The following ACSL1 variants were observed in gnomAD, a reference collection of about 807,000 sequenced individuals.
ACSL1 encodes acyl-CoA synthetase long chain family member 1, also known as long-chain-fatty-acid--CoA ligase 1.
ACSL1 carries 41 observed loss-of-function variants against 98.4 expected under a neutral mutation model. The observed-to-expected ratio is 0.42, with a 90% CI of 0.32 to 0.54. The LOEUF (loss-of-function observed/expected upper bound fraction) is 0.54. Ranked by LOEUF, ACSL1 falls within the 20% of genes least tolerant of loss-of-function variation. The probability of loss-of-function intolerance (pLI) is 0.13; values close to 1 mark genes in which losing one functional copy is unlikely to be tolerated. For synonymous variants in ACSL1, 316 were observed against 322.7 expected (o/e 0.98, Z 0.22); for missense variants, 734 against 883.1 (o/e 0.83, Z 2.14).
At chr4:184,794,628 T>C (rs1769020805) in intron 2 of ACSL1, among the ~76,000 whole-genome samples, 1 of 152,212 alleles carries the variant, frequency 6.6e-6, no homozygotes, top group Non-Finnish European at 1.5e-5. Context: ...GGGGGGCTGC[T>C]TCCCTTCTCA....
intron 1 of ACSL1, among the ~76,000 whole-genome samples, chr4:184,823,128 T>C (rs549011271): frequency 1.5e-4 from 23 of 152,226 alleles, no homozygotes; most frequent in Non-Finnish European, 2.2e-4. Context: ...TTGACCATCA[T>C]GTGTTTGTCT....
At chr4:184,779,158 A>G (rs1372405208) in intron 5 of ACSL1, among the ~76,000 whole-genome samples, 1 of 152,170 alleles carries the variant, frequency 6.6e-6, no homozygotes, top group African/African-American at 2.4e-5. Context: ...GTCCCCACCC[A>G]AATCTCAACT....
At chr4:184,812,026 G>A (rs1323183700) in intron 1 of ACSL1, 4 of 294,226 alleles carry the variant, frequency 1.4e-5, no homozygotes, top group Non-Finnish European at 2.0e-5. Flanking sequence ...GTGGGAGGAG[G>A]CGGCGGTTCC....
At position 184,783,947 on chromosome 4, in the gene ACSL1, C is replaced by T. The variant is rs761882845; in HGVS notation, c.355G>A (p.Glu119Lys). ...LGSRKPDQPY[E>K]WLSYKQVAEL... Reference sequence around the variant, plus strand: ...CTCACCTGTTTATATGAAAGCCATTCATAGGGTTGGTCTGGTTTCCGAGAG... The same window carrying T: ...CTCACCTGTTTATATGAAAGCCATTTATAGGGTTGGTCTGGTTTCCGAGAG... The change falls in exon 4 of 21, where the codon GAA becomes AAA. Residue 119 changes from glutamate (E) to lysine (K), a missense_variant. By Grantham distance (56) the Glu-to-Lys change is moderately conservative (BLOSUM62 1). Transcript: ENST00000281455. 6 of 1,613,686 alleles carry T rather than the reference C, an allele frequency of 3.7e-6. No individual in the cohort carries two copies. The East Asian group carries it at 8.9e-5, about 24-fold the overall frequency.
At chr4:184,787,771 G>A (rs935161486) in intron 3 of ACSL1, among the ~76,000 whole-genome samples, 1 of 152,114 alleles carries the variant, frequency 6.6e-6, no homozygotes, top group African/African-American at 2.4e-5. Flanking sequence ...GGCTGAGGCA[G>A]GAGAATCACT....
chr4:184,807,038 A>G (rs979439107), intron 1 of ACSL1, among the ~76,000 whole-genome samples: 5 of 152,234 alleles, frequency 3.3e-5, no homozygotes. Context: ...AGGAAAAGGC[A>G]CTTGGGGTAT....
In ACSL1 at chr4:184,755,661, A is replaced by G. The variant is rs1257170344; in HGVS notation, c.*1464T>C. The G allele has an allele frequency of 6.6e-6, 1 of 152,656 alleles. No individual in the cohort carries two copies. Among genetic ancestry groups the G allele is most frequent in the Non-Finnish European group, 1.5e-5 (1 of 68,054 alleles). The allele number at this position is 152,656 out of a possible 1,614,324, so 9.5% of individuals were successfully genotyped here. On this transcript the variant is annotated 3_prime_UTR_variant, in exon 21 of 21. Coordinates refer to ENST00000281455, the MANE Select transcript of ACSL1 (RefSeq NM_001995.5). Reference sequence around the variant, plus strand: ...GTTTTTGGAAATTTTGTTTTGGTTTATAAAACATAGAAATAGCCAACACTT... The same window carrying G: ...GTTTTTGGAAATTTTGTTTTGGTTTGTAAAACATAGAAATAGCCAACACTT...
chr4:184,788,784 T>C (rs756947627), intron 2 of ACSL1, 53 bp from the exon 3 acceptor site: 5 of 1,388,574 alleles, frequency 3.6e-6, no homozygotes, highest in Non-Finnish European at 4.1e-6. Context: ...ATCTATGCAC[T>C]GTGGAATGGC....
At chr4:184,780,977 G>C (rs1766148859) in intron 4 of ACSL1, among the ~76,000 whole-genome samples, 1 of 151,744 alleles carries the variant, frequency 6.6e-6, no homozygotes, top group South Asian at 2.1e-4. Context: ...GGTGGTTCAC[G>C]CCTATAATCC....
At chr4:184,796,864 C>T (rs909234871) in intron 2 of ACSL1, among the ~76,000 whole-genome samples, 2 of 152,136 alleles carry the variant, frequency 1.3e-5, no homozygotes, top group Non-Finnish European at 2.9e-5. Flanking sequence ...CAGAAACAAC[C>T]AGATGCTACT....
chr4:184,784,089 T>C, intron 3 of ACSL1, 98 bp from the exon 4 acceptor site: 1 of 928,718 alleles, frequency 1.1e-6, no homozygotes, highest in East Asian at 2.5e-5. Context: ...AAACATCAGC[T>C]AGACTCTACT....
At chr4:184,784,440 T>C (rs920851205) in intron 3 of ACSL1, among the ~76,000 whole-genome samples, 1 of 152,192 alleles carries the variant, frequency 6.6e-6, no homozygotes, top group Non-Finnish European at 1.5e-5. Context: ...ATTCTTTATG[T>C]GTCCAAATTT....
intron 1 of ACSL1, among the ~76,000 whole-genome samples, chr4:184,810,072 C>G (rs1354521499): frequency 6.6e-6 from 1 of 152,184 alleles, no homozygotes; most frequent in Non-Finnish European, 1.5e-5. Flanking sequence ...GAAATTTTGT[C>G]CTATGGGTCC....
chr4:184,787,567 GAAA>G (rs1472775683), intron 3 of ACSL1, among the ~76,000 whole-genome samples: 6 of 151,910 alleles, frequency 3.9e-5, no homozygotes, highest in Non-Finnish European at 8.8e-5. Flanking sequence ...TTATGATCAA[GAAA>G]AAAAAGTGCA....
chr4:184,779,808 C>G (rs1010188058), intron 5 of ACSL1, among the ~76,000 whole-genome samples: 4 of 151,996 alleles, frequency 2.6e-5, no homozygotes, highest in South Asian at 2.1e-4. Context: ...AAAATAATCC[C>G]CCCAAAAAAG....
At chr4:184,818,031 C>T (rs1022671808) in intron 1 of ACSL1, among the ~76,000 whole-genome samples, 2 of 152,192 alleles carry the variant, frequency 1.3e-5, no homozygotes, top group African/African-American at 2.4e-5. Context: ...AGAGTCTAAC[C>T]TGGGAGTCTG....
intron 1 of ACSL1, among the ~76,000 whole-genome samples, chr4:184,811,383 A>T (rs551832554): frequency 3.0e-3 from 449 of 152,186 alleles, no homozygotes; most frequent in Admixed American, 4.6e-3. Flanking sequence ...AAGTGCTGGG[A>T]TTACAGGTGT....
At chr4:184,824,997 AAGAC>A (rs893816052) in intron 1 of ACSL1, among the ~76,000 whole-genome samples, 5 of 152,214 alleles carry the variant, frequency 3.3e-5, no homozygotes, top group Admixed American at 6.5e-5. Flanking sequence ...AAGAAAATAA[AAGAC>A]AGGGCAGTGA....
chr4:184,759,146 CATT>C (rs1282351718), intron 18 of ACSL1, among the ~76,000 whole-genome samples: 1 of 152,120 alleles, frequency 6.6e-6, no homozygotes, highest in Non-Finnish European at 1.5e-5. Context: ...TCCAGTCTAT[CATT>C]GTTGTATATT....
Sources: allele counts gnomAD v4.1 joint callset (sites outside exome capture counted in the v4.1 genomes callset), GRCh38; gene constraint gnomAD v4.1.1; transcripts MANE v1.5; gene names NCBI Gene and HGNC (gene_info 2026-07-23, HGNC 2026-07-21).